Variants in NT5DC1 observed in about 807,000 individuals in gnomAD.
NT5DC1 encodes 5'-nucleotidase domain-containing protein 1.
A neutral mutation model predicts 59.4 loss-of-function variants in NT5DC1; 42 were observed. The observed-to-expected ratio is 0.71, with a 90% CI of 0.55 to 0.92. NT5DC1 has a LOEUF of 0.92. Ranked by LOEUF, NT5DC1 falls within the 40% of genes least tolerant of loss-of-function variation. NT5DC1 has a pLI of 0.00. For missense variants in NT5DC1, 501 were observed against 537.1 expected, an observed-to-expected ratio of 0.93 and a Z score of 0.66; for synonymous variants, 172 against 188.1, an observed-to-expected ratio of 0.91 and a Z score of 0.70.
intron 6 of NT5DC1, among the ~76,000 whole-genome samples, chr6:116,218,765 T>C (rs1781736319): frequency 1.3e-5 from 2 of 152,154 alleles, no homozygotes; most frequent in Admixed American, 6.6e-5. Context: ...TTGTTTTTGG[T>C]CTTCTAAATA....
At chr6:116,181,803 A>T (rs1780878220) in intron 6 of NT5DC1, among the ~76,000 whole-genome samples, 1 of 152,138 alleles carries the variant, frequency 6.6e-6, no homozygotes, top group Non-Finnish European at 1.5e-5. Context: ...GGAAGACAGT[A>T]TTTTAAAGGT....
intron 2 of NT5DC1, among the ~76,000 whole-genome samples, chr6:116,108,131 A>C (rs534355768): frequency 1.1e-4 from 16 of 152,320 alleles, no homozygotes; most frequent in African/African-American, 3.6e-4. Context: ...AAGATTTTAC[A>C]AACTAAATAT....
chr6:116,149,005 G>A (rs2114390406), intron 6 of NT5DC1, among the ~76,000 whole-genome samples: 1 of 152,252 alleles, frequency 6.6e-6, no homozygotes, highest in East Asian at 1.9e-4. Context: ...ACAATTCTTT[G>A]TAGACTTTCC....
At chr6:116,236,800 T>C (rs866029738) in intron 8 of NT5DC1, among the ~76,000 whole-genome samples, 166 bp from the exon 9 acceptor site, 1 of 152,186 alleles carries the variant, frequency 6.6e-6, no homozygotes, top group Non-Finnish European at 1.5e-5. Flanking sequence ...TTAAAAAGTA[T>C]ATACCTATAA....
chr6:116,165,115 A>AAAAG (rs1780433547), intron 6 of NT5DC1, among the ~76,000 whole-genome samples: 1 of 151,560 alleles, frequency 6.6e-6, no homozygotes, highest in South Asian at 2.1e-4. Context: ...AAAAAAAAAA[A>AAAAG]AAATTATTGG....
chr6:116,216,629 AT>A (rs1344836095), intron 6 of NT5DC1, among the ~76,000 whole-genome samples: 1 of 151,902 alleles, frequency 6.6e-6, no homozygotes, highest in Admixed American at 6.6e-5. Flanking sequence ...CAATCTAGAT[AT>A]TCTAGATTTA....
chr6:116,220,120 A>G (rs1781767329), intron 6 of NT5DC1, among the ~76,000 whole-genome samples: 1 of 118,458 alleles, frequency 8.4e-6, no homozygotes, highest in Non-Finnish European at 1.6e-5. Context: ...AAGCTGTTTA[A>G]CCTTTTTTTT....
intron 2 of NT5DC1, 27 bp from the exon 3 acceptor site, chr6:116,108,337 A>C: frequency 7.0e-7 from 1 of 1,435,738 alleles, no homozygotes; most frequent in South Asian, 1.1e-5. Context: ...ATAGGAATTG[A>C]TTAATAATCA....
At chr6:116,171,081 G>A (rs1030092302) in intron 6 of NT5DC1, among the ~76,000 whole-genome samples, 2 of 151,950 alleles carry the variant, frequency 1.3e-5, no homozygotes, top group Middle Eastern at 3.4e-3. Context: ...ATCCTTAGAA[G>A]TCATCTTTTT....
intron 6 of NT5DC1, among the ~76,000 whole-genome samples, chr6:116,216,180 T>C (rs1781684549): frequency 6.6e-6 from 1 of 152,138 alleles, no homozygotes; most frequent in Non-Finnish European, 1.5e-5. Context: ...TATTATTTGT[T>C]GATTACCTAA....
chr6:116,160,932 G>T (rs1231964448), intron 6 of NT5DC1, among the ~76,000 whole-genome samples: 1 of 151,914 alleles, frequency 6.6e-6, no homozygotes, highest in Non-Finnish European at 1.5e-5. Context: ...CAAAGACTTG[G>T]AACCAACCCA....
intron 6 of NT5DC1, among the ~76,000 whole-genome samples, chr6:116,161,713 T>C (rs1193551296): frequency 1.3e-5 from 2 of 152,216 alleles, no homozygotes; most frequent in African/African-American, 2.4e-5. Flanking sequence ...CTATTTAGGC[T>C]CTTATGGGTT....
intron 6 of NT5DC1, among the ~76,000 whole-genome samples, chr6:116,130,096 T>C (rs1779424054): frequency 6.6e-6 from 1 of 152,188 alleles, no homozygotes; most frequent in Admixed American, 6.6e-5. Context: ...AATGATGATA[T>C]TCTGATTTTA....
chr6:116,129,737 C>G (rs1779416878), intron 6 of NT5DC1, among the ~76,000 whole-genome samples: 1 of 152,156 alleles, frequency 6.6e-6, no homozygotes, highest in Admixed American at 6.6e-5. Context: ...ATGGACTAAA[C>G]CTGTTACTCT....
At chr6:116,216,315 T>TTTTTATA (rs376471220) in intron 6 of NT5DC1, among the ~76,000 whole-genome samples, 1 of 151,920 alleles carries the variant, frequency 6.6e-6, no homozygotes, top group Non-Finnish European at 1.5e-5. Context: ...AGAATTCTGG[T>TTTTTATA]TTTTATATTT....
chr6:116,139,076 G>T (rs976936698), intron 6 of NT5DC1, among the ~76,000 whole-genome samples: 4 of 152,080 alleles, frequency 2.6e-5, no homozygotes, highest in African/African-American at 9.7e-5. Context: ...TACAAAAAAA[G>T]ATGTATTCTT....
intron 8 of NT5DC1, among the ~76,000 whole-genome samples, chr6:116,231,448 A>G (rs1321652952): frequency 1.3e-5 from 2 of 152,218 alleles, no homozygotes; most frequent in African/African-American, 4.8e-5. Context: ...TTTAATCATA[A>G]TTCATTATTT....
intron 6 of NT5DC1, among the ~76,000 whole-genome samples, chr6:116,194,300 C>T (rs1470357910): frequency 1.3e-5 from 2 of 152,024 alleles, no homozygotes; most frequent in Non-Finnish European, 2.9e-5. Context: ...AATTCTAGCA[C>T]ATTACTTGTT....
intron 8 of NT5DC1, among the ~76,000 whole-genome samples, chr6:116,225,072 G>T (rs1031434526): frequency 5.3e-5 from 8 of 152,166 alleles, no homozygotes; most frequent in African/African-American, 1.9e-4. Flanking sequence ...CTTCCAGGTG[G>T]TTGATTTTTC....
Sources: allele counts gnomAD v4.1 joint callset (sites outside exome capture counted in the v4.1 genomes callset), GRCh38; gene constraint gnomAD v4.1.1; transcripts MANE v1.5; gene names NCBI Gene and HGNC (gene_info 2026-07-23, HGNC 2026-07-21).